CEP295: variants seen among roughly 807,000 people sequenced by gnomAD.
CEP295 encodes centrosomal protein of 295 kDa.
Under a neutral mutation model 291.6 loss-of-function variants are expected in CEP295, and 190 were observed. The ratio of observed to expected loss-of-function variants is 0.65; its 90% CI spans 0.58 to 0.73. CEP295 has a LOEUF of 0.73. Ranked by LOEUF, CEP295 falls within the 30% of genes least tolerant of loss-of-function variation. The pLI is 0.00. For missense variants in CEP295, 2,863 were observed against 2,949.4 expected (o/e 0.97, Z 0.68); for synonymous variants, 993 against 1,038.8 (o/e 0.96, Z 0.85).
At chr11:93,695,694 T>C (rs1172075978) in intron 13 of CEP295, 60 bp downstream of exon 13, 4 of 1,467,764 alleles carry the variant, frequency 2.7e-6, no homozygotes, top group Non-Finnish European at 3.6e-6. Context: ...CAAGAAAATA[T>C]GAGCACTTGT....
At chr11:93,709,750 A>G (rs561333226) in intron 18 of CEP295, among the ~76,000 whole-genome samples, 1 of 152,198 alleles carries the variant, frequency 6.6e-6, no homozygotes, top group Non-Finnish European at 1.5e-5. Flanking sequence ...ACATTTTAAT[A>G]ATGTTGAGAT....
At chr11:93,701,320 T>C (rs1952142563) in intron 15 of CEP295, among the ~76,000 whole-genome samples, 1 of 152,158 alleles carries the variant, frequency 6.6e-6, no homozygotes, top group Admixed American at 6.5e-5. Context: ...AGCCATATTA[T>C]GCCACTGTAC....
In CEP295 at chr11:93,698,088, T is replaced by A. The variant is rs760428491; in HGVS notation, c.3176T>A (p.Leu1059Ter). 31 of 1,551,984 alleles carry A rather than the reference T, an allele frequency of 2.0e-5. No homozygotes were observed. Among genetic ancestry groups the A allele is most frequent in the Non-Finnish European group, 2.7e-5 (31 of 1,147,074 alleles). ...QFLPLHDSLK[L>*]LQEQLTKQRD... ...CTACCTCTACATGATAGTTTGAAGTTGCTCCAAGAACAGTTGACTAAACAG... is the reference window on the plus strand; with the variant it reads ...CTACCTCTACATGATAGTTTGAAGTAGCTCCAAGAACAGTTGACTAAACAG... The change falls in exon 15 of 30, where the codon TTG becomes TAG. Residue 1059 changes from leucine to a stop codon, truncating the protein, a stop_gained. Coordinates refer to ENST00000325212, the MANE Select transcript of CEP295 (RefSeq NM_033395.2). LOFTEE classifies it high-confidence loss of function.
Position 93,697,154 on chromosome 11 carries a change from G to T in CEP295, c.2242G>T (p.Ala748Ser). The T allele has an allele frequency of 6.4e-7, 1 of 1,551,880 alleles. No individual in the cohort carries two copies. Among genetic ancestry groups the T allele is most frequent in the Non-Finnish European group, 8.7e-7 (1 of 1,147,048 alleles). ...SHDRQLISQD[A>S]RKISETFGAT... The stretch of plus-strand genomic sequence containing the variant: ...TGACAGGCAGCTAATATCACAGGAT[G>T]CTAGAAAAATATCTGAAACATTTGG... Residue 748 changes from alanine (A) to serine (S), a missense_variant, in exon 15 of 30, where the codon GCT becomes TCT. Physicochemically the swap from Ala to Ser is moderately conservative, Grantham distance 99 (BLOSUM62 1). This residue lies in a region of CEP295 where 2,295 missense variants were observed against 2,335.7 expected (regional missense o/e 0.98). Coordinates refer to ENST00000325212, the MANE Select transcript of CEP295 (RefSeq NM_033395.2).
At chr11:93,671,010 G>A (rs1219874654) in intron 5 of CEP295, among the ~76,000 whole-genome samples, 1 of 152,100 alleles carries the variant, frequency 6.6e-6, no homozygotes, top group Non-Finnish European at 1.5e-5. Flanking sequence ...AGCCTCCTAG[G>A]TAGCTGGGAT....
intron 3 of CEP295, 57 bp from the exon 4 acceptor site, chr11:93,668,751 A>G: frequency 8.2e-7 from 1 of 1,218,818 alleles, no homozygotes; most frequent in Non-Finnish European, 1.1e-6. Context: ...ATATCATATG[A>G]GACACATTTC....
Position 93,697,786 on chromosome 11 carries a change from T to A in CEP295, c.2874T>A (p.Asn958Lys). ...NNFKFLQEQL[N>K]IQKDSLQARR... Reference sequence around the variant, plus strand: ...TTAAATTTCTCCAAGAGCAGTTGAATATTCAGAAGGATAGCCTTCAGGCTA... The same window carrying A: ...TTAAATTTCTCCAAGAGCAGTTGAAAATTCAGAAGGATAGCCTTCAGGCTA... The change falls in exon 15 of 30, where the codon AAT (asparagine) becomes AAA (lysine). Residue 958 changes from asparagine to lysine, a missense_variant. Around this residue, in one of 3 missense-constraint regions of CEP295, gnomAD observed 2,295 missense variants for 2,335.7 expected, o/e 0.98. Coordinates refer to ENST00000325212, the MANE Select transcript of CEP295 (RefSeq NM_033395.2). 1 of 1,551,768 alleles carries A rather than the reference T, an allele frequency of 6.4e-7. No individual in the cohort carries two copies. The highest frequency in any genetic ancestry group is 8.7e-7 in the Non-Finnish European group (1 of 1,146,994).
At chr11:93,716,875 G>A (rs1352879458) in intron 18 of CEP295, among the ~76,000 whole-genome samples, 1 of 152,220 alleles carries the variant, frequency 6.6e-6, no homozygotes, top group Non-Finnish European at 1.5e-5. Flanking sequence ...GTTCAGGCCT[G>A]CTTAGGCTTC....
intron 1 of CEP295, among the ~76,000 whole-genome samples, chr11:93,664,112 T>C (rs1408735102): frequency 2.0e-5 from 3 of 152,224 alleles, no homozygotes; most frequent in African/African-American, 7.2e-5. Flanking sequence ...ATATTATGTC[T>C]ATGAGATTCA....
At chr11:93,723,380 G>A (rs886519829) in intron 21 of CEP295, 91 bp downstream of exon 21, 1 of 956,954 alleles carries the variant, frequency 1.0e-6, no homozygotes, top group East Asian at 2.7e-5. Flanking sequence ...GATTGTTTGA[G>A]CTTCATGTTC....
intron 20 of CEP295, 88 bp downstream of exon 20, chr11:93,722,138 C>T: frequency 8.0e-6 from 6 of 750,136 alleles, no homozygotes. Context: ...ATTGGGTTTT[C>T]ATGATACACC....
At chr11:93,700,765 T>G (rs76269540) in intron 15 of CEP295, among the ~76,000 whole-genome samples, 1,971 of 152,308 alleles carry the variant, frequency 0.013, 41 homozygotes, top group East Asian at 0.053. Flanking sequence ...TGTTTTAATG[T>G]ATTTTAAGCT....
intron 22 of CEP295, 29 bp from the exon 23 acceptor site, chr11:93,725,622 T>C (rs899705252): frequency 2.6e-6 from 4 of 1,517,106 alleles, no homozygotes; most frequent in Non-Finnish European, 2.7e-6. Context: ...TAATCAGTAT[T>C]TCAGCCTTTC....
In CEP295 at chr11:93,696,997, T is replaced by C. The variant is rs978142330; in HGVS notation, c.2085T>C (p.Ala695=). 1 of 1,551,480 alleles carries C rather than the reference T, an allele frequency of 6.4e-7. No homozygotes were observed. Among genetic ancestry groups the C allele is most frequent in the Non-Finnish European group, 8.7e-7 (1 of 1,146,830 alleles). Residue 695 remains alanine (A), a synonymous_variant, in exon 15 of 30, where the codon GCT becomes GCC. Transcript: ENST00000325212. ...TGGAAACAACAGAAACATTACGCGCTTCAGATATTTTAACCAATCAAGCTT... is the reference window on the plus strand; with the variant it reads ...TGGAAACAACAGAAACATTACGCGCCTCAGATATTTTAACCAATCAAGCTT... ...RQVETTETLR[A]SDILTNQALE... is the part of the protein sequence containing the mutation.
chr11:93,702,999 T>C, intron 17 of CEP295, 80 bp downstream of exon 17: 4 of 1,179,340 alleles, frequency 3.4e-6, no homozygotes, highest in Non-Finnish European at 4.7e-6. Flanking sequence ...AGCCTTGCTC[T>C]GTTGCCCAGG....
At position 93,699,070 on chromosome 11, in the gene CEP295, A is replaced by C. The variant is rs1455998391; in HGVS notation, c.4158A>C (p.Arg1386Ser). Residue 1386 changes from arginine (R) to serine (S), a missense_variant, in exon 15 of 30, where the codon AGA becomes AGC. Arg to Ser is a moderately radical substitution (Grantham distance 110). Transcript: ENST00000325212. ...TACATCAGAGTGAATGGGAGGGAAG[A>C]ATATCTCCCGAGCAGGTTGACACCT... ...LLLHQSEWEG[R>S]ISPEQVDTSS... 6.5e-7 allele frequency: 1 copy of C among 1,546,304 alleles called. No individual in the cohort carries two copies. The highest frequency in any genetic ancestry group is 2.4e-5 in the East Asian group (1 of 40,932).
intron 1 of CEP295, among the ~76,000 whole-genome samples, chr11:93,663,734 C>T (rs1950091710): frequency 6.6e-6 from 1 of 152,086 alleles, no homozygotes; most frequent in Admixed American, 6.5e-5. Flanking sequence ...TATTCTATCG[C>T]ATTTTAGGAG....
intron 27 of CEP295, 28 bp downstream of exon 27, chr11:93,729,809 C>G: frequency 6.5e-7 from 1 of 1,535,702 alleles, no homozygotes; most frequent in Non-Finnish European, 8.8e-7. Flanking sequence ...AATCTTCAAC[C>G]AACTCCCTGA....
At chr11:93,729,833 TTG>T (rs1275889682) in intron 27 of CEP295, 35 bp from the exon 28 acceptor site, 2 of 1,538,726 alleles carry the variant, frequency 1.3e-6, no homozygotes, top group South Asian at 1.2e-5. Flanking sequence ...GTTTAAAGCC[TTG>T]TGTTTACAAC....
Sources: gnomAD v4.1 joint callset for allele counts (sites outside exome capture counted in the v4.1 genomes callset) on GRCh38, gnomAD v4.1.1 for gene constraint, gnomAD v4.1.1 regional missense constraint, MANE v1.5 for transcripts, NCBI Gene and HGNC (gene_info 2026-07-23, HGNC 2026-07-21) for gene names.